Variants in KCNIP4 observed in about 807,000 individuals in gnomAD.
The protein encoded by KCNIP4 is potassium voltage-gated channel interacting protein 4.
KCNIP4 carries 12 observed loss-of-function variants against 34.0 expected under a neutral mutation model. That is an observed-to-expected ratio of 0.35 (90% CI 0.23 to 0.57). KCNIP4 has a LOEUF of 0.57. Among genes scored for constraint, KCNIP4 ranks in the 20% least tolerant of loss-of-function variants. The probability of loss-of-function intolerance (pLI) is 0.83; values close to 1 mark genes in which losing one functional copy is unlikely to be tolerated. For synonymous variants in KCNIP4, 124 were observed against 102.2 expected (o/e 1.21, Z -1.29); for missense variants, 238 against 311.7 (o/e 0.76, Z 1.78).
chr4:21,268,290 A>G (rs1423533034), intron 1 of KCNIP4, among the ~76,000 whole-genome samples: 1 of 151,642 alleles, frequency 6.6e-6, no homozygotes, highest in Non-Finnish European at 1.5e-5. Flanking sequence ...TAATGTTTTT[A>G]TATGAAAATG....
chr4:21,409,126 A>G (rs1231675263), intron 1 of KCNIP4, among the ~76,000 whole-genome samples: 4 of 150,800 alleles, frequency 2.7e-5, no homozygotes, highest in Non-Finnish European at 4.4e-5. Context: ...TCTTTTTTAG[A>G]GACAGGGTCT....
intron 1 of KCNIP4, among the ~76,000 whole-genome samples, chr4:21,631,925 C>A (rs1000431173): frequency 1.3e-5 from 2 of 152,164 alleles, no homozygotes; most frequent in Non-Finnish European, 2.9e-5. Context: ...TATTTGGGTG[C>A]CACATTCAAG....
intron 1 of KCNIP4, among the ~76,000 whole-genome samples, chr4:21,336,687 C>T (rs1388225901): frequency 6.6e-6 from 1 of 151,976 alleles, no homozygotes; most frequent in African/African-American, 2.4e-5. Flanking sequence ...AAAAATTGAG[C>T]CCTCACTCCT....
intron 1 of KCNIP4, among the ~76,000 whole-genome samples, chr4:21,650,616 A>G (rs1747412614): frequency 6.6e-6 from 1 of 152,190 alleles, no homozygotes; most frequent in Non-Finnish European, 1.5e-5. Context: ...AGACCTAGTA[A>G]TAAAATAGAG....
intron 1 of KCNIP4, among the ~76,000 whole-genome samples, chr4:21,338,606 CAAAAAA>C (rs11454380): frequency 7.2e-6 from 1 of 139,240 alleles, no homozygotes; most frequent in Non-Finnish European, 1.6e-5. Context: ...GACTCTGCTT[CAAAAAA>C]AAAACAAAAA....
intron 1 of KCNIP4, among the ~76,000 whole-genome samples, chr4:21,504,177 G>A (rs985701977): frequency 1.3e-5 from 2 of 151,982 alleles, no homozygotes; most frequent in African/African-American, 4.8e-5. Flanking sequence ...TGATAGAGTG[G>A]TAGAAATGGG....
intron 1 of KCNIP4, among the ~76,000 whole-genome samples, chr4:21,128,923 A>T (rs1750836913): frequency 6.6e-6 from 1 of 152,196 alleles, no homozygotes; most frequent in East Asian, 1.9e-4. Flanking sequence ...CCTGATATTT[A>T]AAATGGGGCT....
chr4:21,884,281 G>T (rs1292762522), intron 1 of KCNIP4, among the ~76,000 whole-genome samples: 1 of 152,052 alleles, frequency 6.6e-6, no homozygotes, highest in Non-Finnish European at 1.5e-5. Flanking sequence ...AAGAACATGG[G>T]GAATAGCGCA....
At chr4:21,454,262 G>A (rs951739269) in intron 1 of KCNIP4, among the ~76,000 whole-genome samples, 3 of 152,064 alleles carry the variant, frequency 2.0e-5, no homozygotes, top group Non-Finnish European at 4.4e-5. Flanking sequence ...AAATAGCAAG[G>A]AACCAGGGAA....
In KCNIP4 at chr4:21,475,000, C is replaced by CAAAAAA. The variant is rs10681441; in HGVS notation, c.61+473570_61+473571insTTTTTT. 1.5e-3 allele frequency among the ~76,000 whole-genome samples: 154 copies of CAAAAAA among 105,622 alleles called. No homozygotes were observed. In the East Asian group the frequency reaches 0.02, roughly 14 times the overall value. 69.3% of individuals were successfully genotyped at this position (105,622 alleles called of 152,430 possible). A position where few individuals can be genotyped will look rare whatever the true frequency, so the allele number is the denominator to read the frequency against. On this transcript the variant is annotated intron_variant, in intron 1 of 8. Transcript: ENST00000382152. ...TGGACAAAAGAATGAGACTCCATCT[C>CAAAAAA]GAAAAACAAAAAAAAAAGACGTTAA...
intron 1 of KCNIP4, among the ~76,000 whole-genome samples, chr4:21,619,413 G>A (rs1225827868): frequency 6.6e-6 from 1 of 152,186 alleles, no homozygotes; most frequent in Non-Finnish European, 1.5e-5. Context: ...TAAGAAAGAT[G>A]AATATTTATT....
chr4:21,827,531 G>A (rs910837218), intron 1 of KCNIP4, among the ~76,000 whole-genome samples: 3 of 151,966 alleles, frequency 2.0e-5, no homozygotes, highest in African/African-American at 4.8e-5. Context: ...GAAACTAATA[G>A]ATAATCAAGC....
At chr4:21,022,694 TA>T (rs1312428700) in intron 1 of KCNIP4, among the ~76,000 whole-genome samples, 1 of 152,242 alleles carries the variant, frequency 6.6e-6, no homozygotes, top group Admixed American at 6.5e-5. Context: ...ATCTAATCCT[TA>T]CTAAAGTTAT....
intron 3 of KCNIP4, among the ~76,000 whole-genome samples, chr4:20,829,259 G>A (rs1026726312): frequency 6.6e-6 from 1 of 151,796 alleles, no homozygotes; most frequent in South Asian, 2.1e-4. Context: ...CCAGGCTGGA[G>A]TGCAGTGGTA....
chr4:21,558,095 A>G (rs925024785), intron 1 of KCNIP4, among the ~76,000 whole-genome samples: 39 of 152,186 alleles, frequency 2.6e-4, no homozygotes, highest in African/African-American at 9.4e-4. Flanking sequence ...TGGTAGCCAG[A>G]AACTTCCCGT....
At chr4:20,826,050 G>A (rs369751365) in intron 3 of KCNIP4, among the ~76,000 whole-genome samples, 8 of 151,830 alleles carry the variant, frequency 5.3e-5, no homozygotes, top group African/African-American at 1.7e-4. Context: ...TGGAATGTTA[G>A]GGGTAGAAGC....
At chr4:21,626,609 T>C (rs114992283) in intron 1 of KCNIP4, among the ~76,000 whole-genome samples, 1 of 151,982 alleles carries the variant, frequency 6.6e-6, no homozygotes, top group South Asian at 2.1e-4. Context: ...ACTAAGATAG[T>C]AATACTAAGC....
intron 1 of KCNIP4, among the ~76,000 whole-genome samples, chr4:21,681,873 C>CTTTT (rs35681482): frequency 1.1e-4 from 16 of 147,592 alleles, no homozygotes; most frequent in African/African-American, 3.5e-4. Flanking sequence ...GAATGCCACA[C>CTTTT]TTTTTTTTTT....
chr4:21,690,669 T>C (rs1273134127), intron 1 of KCNIP4, among the ~76,000 whole-genome samples: 1 of 152,184 alleles, frequency 6.6e-6, no homozygotes, highest in Non-Finnish European at 1.5e-5. Context: ...TTTTTCTTTA[T>C]AAATTACCCA....
Sources: allele counts gnomAD v4.1 joint callset (sites outside exome capture counted in the v4.1 genomes callset), GRCh38; gene constraint gnomAD v4.1.1; transcripts MANE v1.5; gene names NCBI Gene and HGNC (gene_info 2026-07-23, HGNC 2026-07-21).